ABCB5: variants seen among roughly 807,000 people sequenced by gnomAD.
ABCB5 encodes the protein ATP binding cassette subfamily B member 5.
ABCB5 carries 155 observed loss-of-function variants against 144.2 expected under a neutral mutation model. The observed-to-expected ratio is 1.08, with a 90% CI of 0.94 to 1.23. ABCB5 has a LOEUF of 1.23. ABCB5 is among the 50% of genes most tolerant of loss of function. ABCB5 has a pLI of 0.00. For synonymous variants in ABCB5, 610 were observed against 528.6 expected, an observed-to-expected ratio of 1.15 and a Z score of -2.11; for missense variants, 1,830 against 1,520.8, an observed-to-expected ratio of 1.20 and a Z score of -3.38.
intron 13 of ABCB5, among the ~76,000 whole-genome samples, chr7:20,656,155 C>T (rs1433353696): frequency 6.6e-6 from 1 of 152,070 alleles, no homozygotes; most frequent in Non-Finnish European, 1.5e-5. Flanking sequence ...AGACCTTGTA[C>T]CAAAATTGTA....
At chr7:20,687,229 A>T (rs976736707) in intron 16 of ABCB5, among the ~76,000 whole-genome samples, 2 of 152,192 alleles carry the variant, frequency 1.3e-5, no homozygotes, top group Non-Finnish European at 2.9e-5. Flanking sequence ...CACTATGGAA[A>T]TCTGCCTCTA....
intron 16 of ABCB5, among the ~76,000 whole-genome samples, chr7:20,694,030 A>C (rs549413396): frequency 2.6e-5 from 4 of 151,426 alleles, no homozygotes; most frequent in Non-Finnish European, 4.4e-5. Context: ...CCCTAAAAAA[A>C]AAAACAAAAA....
chr7:20,643,003 T>C (rs1784326518), intron 5 of ABCB5, among the ~76,000 whole-genome samples, 181 bp from the exon 6 acceptor site: 1 of 152,188 alleles, frequency 6.6e-6, no homozygotes, highest in Admixed American at 6.5e-5. Flanking sequence ...ACACTCTATG[T>C]TTTACCAGGA....
chr7:20,634,698 T>C (rs1784113414), intron 5 of ABCB5, among the ~76,000 whole-genome samples: 1 of 152,168 alleles, frequency 6.6e-6, no homozygotes, highest in South Asian at 2.1e-4. Context: ...TATGGCTCCT[T>C]TTGAAAAGTG....
At chr7:20,683,071 T>C (rs112876719) in intron 15 of ABCB5, among the ~76,000 whole-genome samples, 4,380 of 149,502 alleles carry the variant, frequency 0.029, 158 homozygotes, top group African/African-American at 0.086. Context: ...AGCTTTCTGA[T>C]AATATCTTTG....
intron 19 of ABCB5, among the ~76,000 whole-genome samples, chr7:20,702,932 T>G (rs1233050848): frequency 6.6e-6 from 1 of 150,686 alleles, no homozygotes; most frequent in African/African-American, 2.4e-5. Context: ...CATCTTGGCC[T>G]CCCTAAATGT....
chr7:20,662,569 A>G (rs574052015), intron 14 of ABCB5, among the ~76,000 whole-genome samples: 25 of 152,072 alleles, frequency 1.6e-4, no homozygotes, highest in Admixed American at 7.2e-4. Context: ...AATCATTTAT[A>G]GCAACACTGT....
rs926227488 is a variant in ABCB5 at position 20,643,551 on chromosome 7, T to C, written c.597T>C (p.Gly199=). ...CTTTTTCGATTGGCCTGGCAGTTGG[T>C]TTGGTGAAGGGCTGGAAACTCACCC... ...MSTFSIGLAV[G]LVKGWKLTLV... is the part of the protein sequence containing the mutation. The change falls in exon 7 of 28, where the codon GGT becomes GGC. Residue 199 remains glycine (G), a synonymous_variant. Coordinates refer to ENST00000404938, the MANE Select transcript of ABCB5 (RefSeq NM_001163941.2). 1.9e-6 allele frequency: 3 copies of C among 1,613,832 alleles called. No homozygotes were observed. The African/African-American group carries it at 4.0e-5, about 22-fold the overall frequency.
At chr7:20,637,342 T>C (rs764987730) in intron 5 of ABCB5, among the ~76,000 whole-genome samples, 2 of 152,132 alleles carry the variant, frequency 1.3e-5, no homozygotes, top group Non-Finnish European at 2.9e-5. Context: ...GACTCCAGAC[T>C]GAAATGACTA....
chr7:20,706,031 G>A (rs1786810522), intron 20 of ABCB5, among the ~76,000 whole-genome samples: 1 of 152,108 alleles, frequency 6.6e-6, no homozygotes, highest in African/African-American at 2.4e-5. Flanking sequence ...CAAGGTTCTA[G>A]AATTTTGTTA....
intron 20 of ABCB5, among the ~76,000 whole-genome samples, chr7:20,709,387 T>C (rs1027333536): frequency 2.7e-5 from 4 of 150,018 alleles, no homozygotes; most frequent in East Asian, 2.0e-4. Flanking sequence ...AAGTGGGGAA[T>C]ATTGCGATGA....
At chr7:20,715,416 CGT>C (rs1354283731) in intron 20 of ABCB5, among the ~76,000 whole-genome samples, 2 of 151,198 alleles carry the variant, frequency 1.3e-5, no homozygotes, top group South Asian at 2.1e-4. Context: ...TGTGTGTGTG[CGT>C]GTGTGTGTGT....
At chr7:20,700,297 T>C (rs542633905) in intron 19 of ABCB5, among the ~76,000 whole-genome samples, 162 bp downstream of exon 19, 1 of 152,292 alleles carries the variant, frequency 6.6e-6, no homozygotes, top group Admixed American at 6.5e-5. Flanking sequence ...CTTATATTTT[T>C]CTAAAAGAAG....
chr7:20,683,482 A>G (rs768260468), intron 15 of ABCB5, among the ~76,000 whole-genome samples: 4 of 152,188 alleles, frequency 2.6e-5, no homozygotes, highest in African/African-American at 4.8e-5. Flanking sequence ...TATTAATACT[A>G]GTATAGTCAG....
rs768696376 is a variant in ABCB5 at position 20,679,471 on chromosome 7, CAAA to C, written c.1708-2021_1708-2019del. On this transcript the variant is annotated intron_variant, in intron 14 of 27. Transcript: ENST00000404938. ...GGGCAACAAGAGCTAAACTCCATCT[CAAA>C]AAAAAAAAAAAAGAGAGAGAGAGAG... 1.1e-3 allele frequency among the ~76,000 whole-genome samples: 67 copies of C among 59,446 alleles called. 2 individuals carry two copies. The highest frequency in any genetic ancestry group is 7.0e-3 in the Admixed American group (30 of 4,298). The allele number at this position is 59,446 out of a possible 152,430, so 39.0% of individuals were successfully genotyped here.
intron 13 of ABCB5, among the ~76,000 whole-genome samples, chr7:20,656,649 C>A (rs1677468075): frequency 6.6e-6 from 1 of 151,806 alleles, no homozygotes; most frequent in Non-Finnish European, 1.5e-5. Context: ...ATCTCTCATT[C>A]ATTCAAATAA....
At chr7:20,617,501 A>G (rs1208020048) in intron 1 of ABCB5, among the ~76,000 whole-genome samples, 1 of 152,170 alleles carries the variant, frequency 6.6e-6, no homozygotes, top group East Asian at 1.9e-4. Flanking sequence ...TGGATTTAGG[A>G]AGATAAAATT....
intron 14 of ABCB5, among the ~76,000 whole-genome samples, chr7:20,671,631 G>A (rs1562554409): frequency 6.6e-6 from 1 of 152,312 alleles, no homozygotes; most frequent in Non-Finnish European, 1.5e-5. Flanking sequence ...ACTCATCCAT[G>A]TTGTAGAATG....
intron 5 of ABCB5, among the ~76,000 whole-genome samples, 171 bp downstream of exon 5, chr7:20,632,284 T>A (rs914849049): frequency 1.3e-5 from 2 of 152,166 alleles, no homozygotes; most frequent in Admixed American, 1.3e-4. Context: ...TAGTACATAT[T>A]TTTTCTTCTA....
Sources: allele counts gnomAD v4.1 joint callset (sites outside exome capture counted in the v4.1 genomes callset), GRCh38; gene constraint gnomAD v4.1.1; transcripts MANE v1.5; gene names NCBI Gene and HGNC (gene_info 2026-07-23, HGNC 2026-07-21).